CNTNAP2: variants seen among roughly 807,000 people sequenced by gnomAD.
CNTNAP2 encodes contactin associated protein 2.
In CNTNAP2, 98 loss-of-function variants were observed where a neutral mutation model predicts 155.2. That is an observed-to-expected ratio of 0.63 (90% confidence interval 0.54 to 0.75). CNTNAP2 has a LOEUF of 0.75. Ranked by LOEUF, CNTNAP2 falls within the 30% of genes least tolerant of loss-of-function variation. The pLI, the probability that CNTNAP2 is intolerant of heterozygous loss-of-function variation, is 0.00. For synonymous variants in CNTNAP2, 651 were observed against 631.2 expected (o/e 1.03, Z -0.47); for missense variants, 1,727 against 1,688.1 (o/e 1.02, Z -0.40).
chr7:147,493,430 A>C (rs923701212), intron 11 of CNTNAP2, among the ~76,000 whole-genome samples: 18 of 152,268 alleles, frequency 1.2e-4, no homozygotes, highest in African/African-American at 4.3e-4. Context: ...CCCTGTTATT[A>C]AGGAGTGACT....
intron 13 of CNTNAP2, among the ~76,000 whole-genome samples, chr7:147,757,362 AC>A (rs1797225980): frequency 6.6e-6 from 1 of 152,204 alleles, no homozygotes. Flanking sequence ...ATTCAAAGAA[AC>A]AAAATTCCAG....
intron 9 of CNTNAP2, among the ~76,000 whole-genome samples, chr7:147,327,558 G>C: frequency 6.6e-6 from 1 of 152,164 alleles, no homozygotes; most frequent in Non-Finnish European, 1.5e-5. Context: ...CAAAATGTCA[G>C]ATTAGCTACA....
At chr7:148,291,429 G>T (rs1797187597) in intron 21 of CNTNAP2, among the ~76,000 whole-genome samples, 1 of 152,036 alleles carries the variant, frequency 6.6e-6, no homozygotes, top group Admixed American at 6.6e-5. Flanking sequence ...GAAGAACTTG[G>T]AGTCCAATGT....
chr7:147,290,943 A>C (rs1805293009), intron 8 of CNTNAP2, among the ~76,000 whole-genome samples: 1 of 152,130 alleles, frequency 6.6e-6, no homozygotes, highest in South Asian at 2.1e-4. Context: ...ATAAGGACCA[A>C]CTGTTCATGA....
chr7:146,434,976 TTCTC>T, intron 1 of CNTNAP2, among the ~76,000 whole-genome samples: 1 of 152,024 alleles, frequency 6.6e-6, no homozygotes, highest in South Asian at 2.1e-4. Flanking sequence ...ATGCAAACTT[TTCTC>T]TCTCTCTCTT....
intron 13 of CNTNAP2, among the ~76,000 whole-genome samples, chr7:147,750,107 C>T (rs1054684072): frequency 2.4e-4 from 37 of 152,294 alleles, no homozygotes; most frequent in African/African-American, 7.5e-4. Flanking sequence ...AAATCTTGTT[C>T]CACCCCAGCC....
At chr7:147,029,971 GTA>G (rs1490515266) in intron 3 of CNTNAP2, among the ~76,000 whole-genome samples, 1 of 152,128 alleles carries the variant, frequency 6.6e-6, no homozygotes, top group African/African-American at 2.4e-5. Context: ...TTTCCAAAGA[GTA>G]TATCATCATA....
intron 13 of CNTNAP2, among the ~76,000 whole-genome samples, chr7:147,678,814 A>G (rs1290830654): frequency 6.6e-6 from 1 of 151,926 alleles, no homozygotes. Context: ...TATAGGTGGG[A>G]GTGGGAATGA....
At chr7:147,399,340 A>T (rs1002553603) in intron 10 of CNTNAP2, among the ~76,000 whole-genome samples, 4 of 152,166 alleles carry the variant, frequency 2.6e-5, no homozygotes, top group African/African-American at 9.7e-5. Context: ...TAGAAGCAGG[A>T]GGCTAACTAA....
intron 1 of CNTNAP2, among the ~76,000 whole-genome samples, chr7:146,494,760 C>A (rs1797189406): frequency 6.6e-6 from 1 of 152,160 alleles, no homozygotes; most frequent in Admixed American, 6.5e-5. Flanking sequence ...TTTAAGTATA[C>A]CCCCTTTAAA....
At chr7:148,051,894 G>C (rs947814690) in intron 15 of CNTNAP2, among the ~76,000 whole-genome samples, 25 of 152,140 alleles carry the variant, frequency 1.6e-4, no homozygotes, top group Middle Eastern at 3.4e-3. Context: ...AATCCCAGCA[G>C]TTTGGGAGGC....
intron 21 of CNTNAP2, among the ~76,000 whole-genome samples, chr7:148,373,131 G>GGTCCT (rs1285351377): frequency 2.6e-5 from 4 of 152,048 alleles, no homozygotes; most frequent in Admixed American, 6.6e-5. Context: ...GCCTGAGGCT[G>GGTCCT]TTGTACAATT....
chr7:147,758,041 T>C (rs538700499), intron 13 of CNTNAP2, among the ~76,000 whole-genome samples: 26 of 152,286 alleles, frequency 1.7e-4, no homozygotes, highest in African/African-American at 6.0e-4. Flanking sequence ...AGGGAATTTA[T>C]TTACACCTTC....
chr7:146,270,047 C>G (rs1800055897), intron 1 of CNTNAP2, among the ~76,000 whole-genome samples: 1 of 152,156 alleles, frequency 6.6e-6, no homozygotes, highest in Admixed American at 6.5e-5. Context: ...TGTCTTACCC[C>G]AGGCTTTCAT....
At chr7:147,191,666 A>G (rs1802682934) in intron 8 of CNTNAP2, among the ~76,000 whole-genome samples, 2 of 152,194 alleles carry the variant, frequency 1.3e-5, no homozygotes, top group African/African-American at 2.4e-5. Context: ...CTGGAGGGGA[A>G]AGAACAATAC....
intron 21 of CNTNAP2, among the ~76,000 whole-genome samples, chr7:148,353,481 ACCT>A (rs926001112): frequency 2.6e-5 from 4 of 152,006 alleles, no homozygotes; most frequent in African/African-American, 7.3e-5. Flanking sequence ...CTGTGGCAAA[ACCT>A]CCTCTACATA....
intron 2 of CNTNAP2, among the ~76,000 whole-genome samples, chr7:146,800,818 C>T (rs1264774483): frequency 6.6e-6 from 1 of 151,814 alleles, no homozygotes; most frequent in Non-Finnish European, 1.5e-5. Context: ...CTGAGGAATA[C>T]AGAGAAGAGT....
chr7:146,502,224 AATATATATATAT>A (rs59759183), intron 1 of CNTNAP2, among the ~76,000 whole-genome samples: 24,595 of 94,798 alleles, frequency 0.26, 3,170 homozygotes, highest in East Asian at 0.48. Context: ...TATATATATG[AATATATATATAT>A]ATATATATAT....
intron 3 of CNTNAP2, among the ~76,000 whole-genome samples, chr7:146,881,961 T>A (rs1795561208): frequency 6.6e-6 from 1 of 151,998 alleles, no homozygotes; most frequent in Non-Finnish European, 1.5e-5. Flanking sequence ...TCTTGCCTCC[T>A]CCTTCTCTCC....
Sources: allele counts gnomAD v4.1 joint callset (sites outside exome capture counted in the v4.1 genomes callset), GRCh38; gene constraint gnomAD v4.1.1; transcripts MANE v1.5; gene names NCBI Gene and HGNC (gene_info 2026-07-23, HGNC 2026-07-21).